CNBD1: variants seen among roughly 807,000 people sequenced by gnomAD.
CNBD1 encodes the protein cyclic nucleotide binding domain containing 1.
In CNBD1, 71 loss-of-function variants were observed where a neutral mutation model predicts 54.4. The ratio of observed to expected loss-of-function variants is 1.30; its 90% CI spans 1.08 to 1.59. The LOEUF (loss-of-function observed/expected upper bound fraction) is 1.59, where lower values mean the gene tolerates loss of function less well. CNBD1 is among the 40% of genes most tolerant of loss of function. The pLI is 0.00. For synonymous variants in CNBD1, 182 were observed against 170.7 expected (o/e 1.07, Z -0.51); for missense variants, 659 against 518.0 (o/e 1.27, Z -2.64).
At chr8:87,392,576 T>C (rs545235260) in intron 2 of CNBD1, among the ~76,000 whole-genome samples, 1 of 152,170 alleles carries the variant, frequency 6.6e-6, no homozygotes, top group South Asian at 2.1e-4. Flanking sequence ...ATTGTATGAT[T>C]TCATTTATAT....
chr8:87,117,747 C>T (rs2130711738), intron 4 of CNBD1, among the ~76,000 whole-genome samples: 1 of 152,198 alleles, frequency 6.6e-6, no homozygotes, highest in Admixed American at 6.5e-5. Context: ...AGAATACAGC[C>T]TGGTGAATTG....
intron 4 of CNBD1, among the ~76,000 whole-genome samples, chr8:87,075,063 G>A (rs1453825833): frequency 1.3e-5 from 2 of 152,188 alleles, no homozygotes; most frequent in African/African-American, 4.8e-5. Context: ...TATCTCTTAG[G>A]CATATTATGA....
intron 6 of CNBD1, among the ~76,000 whole-genome samples, chr8:87,258,573 C>A (rs57447871): frequency 0.29 from 43,280 of 151,710 alleles, 6,683 homozygotes; most frequent in African/African-American, 0.4. Context: ...AGGCATGAAC[C>A]ACCATGCCAG....
At chr8:86,943,303 C>T (rs889623034) in intron 4 of CNBD1, among the ~76,000 whole-genome samples, 6 of 125,910 alleles carry the variant, frequency 4.8e-5, no homozygotes, top group Admixed American at 1.0e-4. Context: ...TGCTTGAACG[C>T]GGGAGGCGAG....
At chr8:87,049,067 G>A (rs1486740416) in intron 4 of CNBD1, among the ~76,000 whole-genome samples, 1 of 152,190 alleles carries the variant, frequency 6.6e-6, no homozygotes, top group Non-Finnish European at 1.5e-5. Flanking sequence ...TTCTATTTCT[G>A]CAGAAGAATA....
At chr8:86,989,191 G>C (rs1297292582) in intron 4 of CNBD1, among the ~76,000 whole-genome samples, 1 of 152,084 alleles carries the variant, frequency 6.6e-6, no homozygotes, top group Non-Finnish European at 1.5e-5. Context: ...AGGATCATTT[G>C]AGCCTGGGAG....
chr8:87,150,058 T>G (rs1281440842), intron 4 of CNBD1, among the ~76,000 whole-genome samples: 1 of 152,042 alleles, frequency 6.6e-6, no homozygotes, highest in Non-Finnish European at 1.5e-5. Flanking sequence ...GCACCTGTAG[T>G]CCCAGCTACT....
intron 8 of CNBD1, among the ~76,000 whole-genome samples, chr8:87,299,067 T>G (rs1218637993): frequency 6.6e-6 from 1 of 152,204 alleles, no homozygotes; most frequent in Non-Finnish European, 1.5e-5. Context: ...ATTATGAAAT[T>G]TCTTCAAGAG....
intron 1 of CNBD1, among the ~76,000 whole-genome samples, chr8:86,887,190 C>A (rs1276827232): frequency 6.6e-6 from 1 of 152,100 alleles, no homozygotes; most frequent in Non-Finnish European, 1.5e-5. Context: ...CTCGAATTGT[C>A]ATGTCTGAAG....
chr8:86,934,496 A>G (rs1201518104), intron 3 of CNBD1, among the ~76,000 whole-genome samples: 2 of 152,164 alleles, frequency 1.3e-5, no homozygotes, highest in East Asian at 1.9e-4. Flanking sequence ...AGTTATTTTA[A>G]TTTTAATGCT....
intron 4 of CNBD1, among the ~76,000 whole-genome samples, chr8:87,068,901 T>C (rs1810706894): frequency 6.6e-6 from 1 of 152,030 alleles, no homozygotes; most frequent in Admixed American, 6.6e-5. Context: ...TCCAAGACAC[T>C]CTCATACAGA....
chr8:86,923,269 GTC>G (rs546395375), intron 3 of CNBD1, among the ~76,000 whole-genome samples: 103 of 152,274 alleles, frequency 6.8e-4, no homozygotes, highest in Admixed American at 2.4e-3. Context: ...TGAAGGTCTT[GTC>G]TGTGGCTAAT....
intron 4 of CNBD1, among the ~76,000 whole-genome samples, chr8:87,173,569 A>C (rs1813135807): frequency 6.6e-6 from 1 of 152,270 alleles, no homozygotes; most frequent in South Asian, 2.1e-4. Context: ...TTCTAGGGTA[A>C]AAAGTTTTTT....
intron 5 of CNBD1, among the ~76,000 whole-genome samples, chr8:87,212,126 A>C (rs777785735): frequency 1.3e-4 from 20 of 152,176 alleles, no homozygotes; most frequent in Non-Finnish European, 2.5e-4. Flanking sequence ...ATTTGCCAAT[A>C]ACATCAAAAA....
intron 10 of CNBD1, among the ~76,000 whole-genome samples, chr8:87,378,640 C>T (rs1043525902): frequency 1.3e-5 from 2 of 148,944 alleles, no homozygotes; most frequent in Non-Finnish European, 3.0e-5. Flanking sequence ...TCTGCAGGCT[C>T]TTTTTTGGTT....
chr8:87,117,890 A>G (rs1157458318), intron 4 of CNBD1, among the ~76,000 whole-genome samples: 1 of 152,202 alleles, frequency 6.6e-6, no homozygotes, highest in African/African-American at 2.4e-5. Flanking sequence ...AGGACCTACC[A>G]TGTAATAAGA....
rs534103996 is a variant in CNBD1 at position 87,274,732 on chromosome 8, T to C, written c.772-9946T>C. Among the ~76,000 whole-genome samples, 131 of 134,058 alleles carry C rather than the reference T, an allele frequency of 9.8e-4. 25 individuals carry two copies. The highest frequency in any genetic ancestry group is 3.8e-3 in the African/African-American group (126 of 33,090). The allele number at this position is 134,058 out of a possible 152,430, so 87.9% of individuals were successfully genotyped here. A position where few individuals can be genotyped will look rare whatever the true frequency, so the allele number is the denominator to read the frequency against. On this transcript the variant is annotated intron_variant, in intron 6 of 10. Transcript: ENST00000518476. Reference sequence around the variant, plus strand: ...CATTCTGTAGGTTGCCTGTTCACTCTGATGGTAGTTTCTTTTGCTGTGCAG... The same window carrying C: ...CATTCTGTAGGTTGCCTGTTCACTCCGATGGTAGTTTCTTTTGCTGTGCAG...
chr8:87,310,631 G>T (rs1294014913), intron 8 of CNBD1, among the ~76,000 whole-genome samples: 1 of 151,878 alleles, frequency 6.6e-6, no homozygotes, highest in Non-Finnish European at 1.5e-5. Context: ...TGAAATAAGC[G>T]ATTCTAAAAT....
intron 8 of CNBD1, among the ~76,000 whole-genome samples, chr8:87,332,451 A>G (rs1395394234): frequency 6.6e-6 from 1 of 151,898 alleles, no homozygotes; most frequent in Non-Finnish European, 1.5e-5. Context: ...TAAAAGATTT[A>G]CCCATGCCTA....
Sources: allele counts gnomAD v4.1 joint callset (sites outside exome capture counted in the v4.1 genomes callset), GRCh38; gene constraint gnomAD v4.1.1; transcripts MANE v1.5; gene names NCBI Gene and HGNC (gene_info 2026-07-23, HGNC 2026-07-21).